The following ANO4 variants were observed in gnomAD, a reference collection of about 807,000 sequenced individuals.
The protein encoded by ANO4 is anoctamin-4.
In ANO4, 69 loss-of-function variants were observed where a neutral mutation model predicts 141.9. The ratio of observed to expected loss-of-function variants is 0.49; its 90% CI spans 0.40 to 0.59. The LOEUF (loss-of-function observed/expected upper bound fraction) is 0.59, where lower values mean the gene tolerates loss of function less well. Among genes scored for constraint, ANO4 ranks in the 20% least tolerant of loss-of-function variants. The probability of loss-of-function intolerance (pLI) is 0.00; values close to 1 mark genes in which losing one functional copy is unlikely to be tolerated. For synonymous variants in ANO4, 350 were observed against 394.3 expected (o/e 0.89, Z 1.33); for missense variants, 894 against 1,162.2 (o/e 0.77, Z 3.36).
chr12:100,915,524 G>C (rs1466092562), intron 2 of ANO4, among the ~76,000 whole-genome samples: 3 of 152,170 alleles, frequency 2.0e-5, no homozygotes, highest in Non-Finnish European at 2.9e-5. Flanking sequence ...GGGAGGGTAA[G>C]AGCTGATTTG....
intron 1 of ANO4, among the ~76,000 whole-genome samples, chr12:100,863,057 T>TG (rs1273120888): frequency 3.3e-5 from 5 of 152,102 alleles, no homozygotes; most frequent in Admixed American, 6.5e-5. Flanking sequence ...CACGAGCACA[T>TG]GGGGTGAAGA....
chr12:100,922,342 T>A lies in ANO4; in HGVS notation c.160+12T>A. On this transcript the variant is annotated intron_variant, in intron 3 of 27. Transcript: ENST00000392977. ...TGCAATACAAGAAAGTAAGTTTCAC[T>A]CAAATTTTAAATTCGCCGTGAGAGA... The A allele has an allele frequency of 6.6e-7, 1 of 1,509,860 alleles. No homozygotes were observed. The highest frequency in any genetic ancestry group is 8.8e-7 in the Non-Finnish European group (1 of 1,135,088). 93.5% of individuals were successfully genotyped at this position (1,509,860 alleles called of 1,614,324 possible).
At chr12:100,894,395 G>T (rs973269660) in intron 1 of ANO4, among the ~76,000 whole-genome samples, 1 of 151,906 alleles carries the variant, frequency 6.6e-6, no homozygotes, top group African/African-American at 2.4e-5. Flanking sequence ...GAGCGGGGGC[G>T]GTCCTACGTG....
intron 2 of ANO4, among the ~76,000 whole-genome samples, chr12:100,904,725 C>T (rs1264528308): frequency 1.3e-5 from 2 of 152,084 alleles, no homozygotes; most frequent in Non-Finnish European, 2.9e-5. Flanking sequence ...TGAAAGGAAG[C>T]TCTTACAGGG....
At chr12:101,124,144 T>C (rs571296867) in intron 26 of ANO4, among the ~76,000 whole-genome samples, 2 of 152,364 alleles carry the variant, frequency 1.3e-5, no homozygotes, top group Non-Finnish European at 2.9e-5. Context: ...TTCTGGACTT[T>C]TAAATAATCA....
At chr12:100,978,640 TA>T (rs900008653) in intron 7 of ANO4, among the ~76,000 whole-genome samples, 3 of 152,148 alleles carry the variant, frequency 2.0e-5, no homozygotes, top group East Asian at 1.9e-4. Flanking sequence ...CCTGGATGGA[TA>T]AAAAAATAAT....
At chr12:100,909,235 G>A (rs1256327795) in intron 2 of ANO4, among the ~76,000 whole-genome samples, 1 of 152,124 alleles carries the variant, frequency 6.6e-6, no homozygotes, top group African/African-American at 2.4e-5. Flanking sequence ...AATTCTTACC[G>A]GTTTTTCTAG....
intron 22 of ANO4, among the ~76,000 whole-genome samples, chr12:101,101,415 T>C (rs1165626820): frequency 6.6e-6 from 1 of 152,178 alleles, no homozygotes; most frequent in African/African-American, 2.4e-5. Context: ...AGCCAAATTA[T>C]GAAACAGGAG....
At chr12:100,764,755 G>T (rs1313826704) in intron 3 of ANO4, among the ~76,000 whole-genome samples, 1 of 152,186 alleles carries the variant, frequency 6.6e-6, no homozygotes, top group Non-Finnish European at 1.5e-5. Flanking sequence ...GCTGTTAGGA[G>T]ACTTTTCCCA....
At chr12:100,911,155 A>T (rs927386411) in intron 2 of ANO4, among the ~76,000 whole-genome samples, 2 of 152,224 alleles carry the variant, frequency 1.3e-5, no homozygotes, top group African/African-American at 4.8e-5. Flanking sequence ...AACTGTTTTC[A>T]TTCATTATCT....
At chr12:100,947,779 A>G (rs1436355576) in intron 5 of ANO4, among the ~76,000 whole-genome samples, 1 of 152,222 alleles carries the variant, frequency 6.6e-6, no homozygotes, top group Non-Finnish European at 1.5e-5. Flanking sequence ...AACTTGCCCC[A>G]GACAACATAA....
intron 1 of ANO4, among the ~76,000 whole-genome samples, chr12:100,835,981 G>C (rs570284337): frequency 6.6e-6 from 1 of 152,134 alleles, no homozygotes; most frequent in Non-Finnish European, 1.5e-5. Flanking sequence ...ATTTCAATTA[G>C]TGACAGCAGG....
At chr12:101,068,462 T>G in intron 14 of ANO4, 1 of 926,344 alleles carries the variant, frequency 1.1e-6, no homozygotes, top group Non-Finnish European at 1.8e-6. Flanking sequence ...AGCCTTTCTT[T>G]AGTGGCTTTC....
rs375754773 is a variant in ANO4, at chr12:100,989,621, AGATGGATGGATG to A, written c.734+1987_734+1998del. On this transcript the variant is annotated intron_variant, in intron 8 of 27. Transcript: ENST00000392977. ...TGGATAGGTCACTGGATGGATGGAT[AGATGGATGGATG>A]GATGGATGGATGGATGGATGGATGG... 1.6e-3 allele frequency among the ~76,000 whole-genome samples: 169 copies of A among 103,282 alleles called. 1 individual carries two copies. The highest frequency in any genetic ancestry group is 2.9e-3 in the African/African-American group (86 of 29,536). 67.8% of individuals were successfully genotyped at this position (103,282 alleles called of 152,430 possible). A position where few individuals can be genotyped will look rare whatever the true frequency, so the allele number is the denominator to read the frequency against.
intron 8 of ANO4, among the ~76,000 whole-genome samples, chr12:101,019,048 G>T (rs1256631246): frequency 6.6e-6 from 1 of 152,160 alleles, no homozygotes; most frequent in Non-Finnish European, 1.5e-5. Flanking sequence ...ATGCTTTGGG[G>T]GACAGAAGTG....
chr12:100,733,241 T>A (rs1054405029), intron 1 of ANO4, among the ~76,000 whole-genome samples: 1 of 152,192 alleles, frequency 6.6e-6, no homozygotes, highest in Non-Finnish European at 1.5e-5. Context: ...CTTCTCTTAC[T>A]GCATTCAGCT....
At chr12:101,073,183 A>AAATCTCCATC (rs2048889790) in intron 14 of ANO4, among the ~76,000 whole-genome samples, 1 of 151,850 alleles carries the variant, frequency 6.6e-6, no homozygotes, top group Admixed American at 6.6e-5. Flanking sequence ...GAACCAACCC[A>AAATCTCCATC]AATGATAGAC....
chr12:101,074,330 T>C (rs915426296), intron 14 of ANO4, among the ~76,000 whole-genome samples: 1 of 152,176 alleles, frequency 6.6e-6, no homozygotes, highest in African/African-American at 2.4e-5. Context: ...GAGCCTGTCA[T>C]CACTTTCACG....
chr12:100,806,506 A>T (rs1159881309), intron 1 of ANO4, among the ~76,000 whole-genome samples: 2 of 69,674 alleles, frequency 2.9e-5, no homozygotes, highest in African/African-American at 9.8e-5. Context: ...GATTTTTAGG[A>T]GGTTTTTTTT....
Sources: allele counts gnomAD v4.1 joint callset (sites outside exome capture counted in the v4.1 genomes callset), GRCh38; gene constraint gnomAD v4.1.1; transcripts MANE v1.5; gene names NCBI Gene and HGNC (gene_info 2026-07-23, HGNC 2026-07-21).